The following HEATR1 variants were observed in gnomAD, a reference collection of about 807,000 sequenced individuals.
HEATR1 encodes the protein HEAT repeat-containing protein 1.
In HEATR1, 77 loss-of-function variants were observed where a neutral mutation model predicts 248.2. The observed-to-expected ratio is 0.31, with a 90% CI of 0.26 to 0.37. HEATR1 has a LOEUF of 0.37. Among genes scored for constraint, HEATR1 ranks in the 10% least tolerant of loss-of-function variants. The pLI, the probability that HEATR1 is intolerant of heterozygous loss-of-function variation, is 1.00. For synonymous variants in HEATR1, 897 were observed against 923.1 expected, an observed-to-expected ratio of 0.97 and a Z score of 0.51; for missense variants, 2,420 against 2,504.9, an observed-to-expected ratio of 0.97 and a Z score of 0.72.
At chr1:236,586,826 A>T (rs1358416540) in intron 14 of HEATR1, among the ~76,000 whole-genome samples, 2 of 151,932 alleles carry the variant, frequency 1.3e-5, no homozygotes, top group Non-Finnish European at 2.9e-5. Flanking sequence ...CTCTACCGGA[A>T]ATCAGGTTCA....
At chr1:236,597,013 T>C (rs764529278) in intron 5 of HEATR1, 37 bp from the exon 6 acceptor site, 80 of 1,593,352 alleles carry the variant, frequency 5.0e-5, no homozygotes, top group African/African-American at 1.4e-5. Context: ...CATTTAACAG[T>C]GAAAGGGAGG....
At chr1:236,577,217 T>C (rs1453493373) in intron 20 of HEATR1, among the ~76,000 whole-genome samples, 1 of 152,208 alleles carries the variant, frequency 6.6e-6, no homozygotes, top group Admixed American at 6.5e-5. Context: ...AATGGTGCAA[T>C]CTCGGCTCAC....
At chr1:236,588,572 A>G (rs1663952866) in intron 12 of HEATR1, among the ~76,000 whole-genome samples, 1 of 152,266 alleles carries the variant, frequency 6.6e-6, no homozygotes, top group Admixed American at 6.5e-5. Context: ...GTTAAAAGCT[A>G]GCTAGTATTA....
intron 9 of HEATR1, among the ~76,000 whole-genome samples, chr1:236,593,659 T>C (rs184798821): frequency 2.0e-5 from 3 of 151,940 alleles, no homozygotes; most frequent in Non-Finnish European, 4.4e-5. Flanking sequence ...ACCTTCAATA[T>C]TGTTTCTAAA....
At chr1:236,600,107 G>T (rs904404822) in intron 3 of HEATR1, among the ~76,000 whole-genome samples, 43 of 138,038 alleles carry the variant, frequency 3.1e-4, no homozygotes, top group Admixed American at 8.8e-4. Context: ...TGCCCAGGCT[G>T]GTCTGTCAAC....
At chr1:236,594,228 C>T in intron 8 of HEATR1, 114 bp from the exon 9 acceptor site, 1 of 612,282 alleles carries the variant, frequency 1.6e-6, no homozygotes, top group Non-Finnish European at 2.8e-6. Flanking sequence ...ACACTGATAT[C>T]CAGCTTTTTA....
rs562208658 is a variant in HEATR1, at chr1:236,582,114, A to T, written c.2562+622T>A. ...CACAGTATCTTTTTATTTATTTATT[A>T]TTTTTTTTGAGATGGAGTCTCGCTC... On this transcript the variant is annotated intron_variant, in intron 19 of 44. Transcript: ENST00000366582. 2.0e-3 allele frequency among the ~76,000 whole-genome samples: 302 copies of T among 151,450 alleles called. 3 individuals carry two copies. The highest frequency in any genetic ancestry group is 7.0e-3 in the African/African-American group (287 of 41,150).
Position 236,561,141 on chromosome 1 carries a change from G to T in HEATR1, c.4646+84C>A, listed in dbSNP as rs554044701. ...GTGAACCTGGTTGTAAAGAGTATAT[G>T]AATTTTCTGTACTGTTTTTCCAGGT... On this transcript the variant is annotated intron_variant, in intron 33 of 44. Transcript: ENST00000366582. 2.1e-5 allele frequency: 21 copies of T among 992,934 alleles called. No homozygotes were observed. In the East Asian group the frequency reaches 5.0e-4, roughly 24 times the overall value. The allele number at this position is 992,934 out of a possible 1,614,324, so 61.5% of individuals were successfully genotyped here.
At chr1:236,593,436 C>A (rs1664093316) in intron 9 of HEATR1, among the ~76,000 whole-genome samples, 1 of 152,078 alleles carries the variant, frequency 6.6e-6, no homozygotes, top group Non-Finnish European at 1.5e-5. Context: ...AACACACAGG[C>A]ACTCTCTTGA....
In HEATR1 at chr1:236,555,614, A is replaced by G. The variant is rs1448743342; in HGVS notation, c.5691T>C (p.Ile1897=). ...EEVGKTENCI[I]DCLVAMVVKL... is the part of the protein sequence containing the mutation. The stretch of plus-strand genomic sequence containing the variant: ...TGACAACCATGGCTACTAGACAGTC[A>G]ATGATACAATTTTCCGTTTTTCCAA... Residue 1897 remains isoleucine, a synonymous_variant, in exon 40 of 45, where the codon ATT becomes ATC. Coordinates refer to ENST00000366582, the MANE Select transcript of HEATR1 (RefSeq NM_018072.6). 8 of 1,614,248 alleles carry G rather than the reference A, an allele frequency of 5.0e-6. No homozygotes were observed. Among genetic ancestry groups the G allele is most frequent in the Non-Finnish European group, 6.8e-6 (8 of 1,180,050 alleles).
At position 236,554,621 on chromosome 1, in the gene HEATR1, A is replaced by G. The variant is rs1474642659; in HGVS notation, c.6055T>C (p.Leu2019=). Residue 2019 remains leucine, a synonymous_variant, in exon 42 of 45, where the codon TTG becomes CTG. Coordinates refer to ENST00000366582, the MANE Select transcript of HEATR1 (RefSeq NM_018072.6). ...ACCTGATCCACCAGAGGCATCATCAAGGCTTCTGCTCTCTCTTTACTTATA... is the reference window on the plus strand; with the variant it reads ...ACCTGATCCACCAGAGGCATCATCAGGGCTTCTGCTCTCTCTTTACTTATA... ...HFISKERAEA[L]MMPLVDQLEN... is the part of the protein sequence containing the mutation. The G allele has an allele frequency of 6.2e-7, 1 of 1,611,434 alleles. No homozygotes were observed. The highest frequency in any genetic ancestry group is 8.5e-7 in the Non-Finnish European group (1 of 1,179,404).
rs747151576 is a variant in HEATR1 at position 236,550,872 on chromosome 1, TGAGTA to T, written c.*25_*29del. The stretch of plus-strand genomic sequence containing the variant: ...AAATATGAAATATGAGTGTGAACTC[TGAGTA>T]GAGTATGAAACACCACAGAAAGTCT... On this transcript the variant is annotated 3_prime_UTR_variant, in exon 45 of 45. Transcript: ENST00000366582. The T allele has an allele frequency of 6.3e-5, 96 of 1,521,610 alleles. No homozygotes were observed. The highest frequency in any genetic ancestry group is 5.2e-4 in the Middle Eastern group (3 of 5,746). The allele number at this position is 1,521,610 out of a possible 1,614,324, so 94.3% of individuals were successfully genotyped here.
intron 11 of HEATR1, among the ~76,000 whole-genome samples, 170 bp from the exon 12 acceptor site, chr1:236,591,124 ATG>A (rs1235702317): frequency 1.3e-5 from 1 of 75,432 alleles, no homozygotes; most frequent in Non-Finnish European, 3.5e-5. Context: ...AGAACATCAC[ATG>A]AGTTGATGAA....
chr1:236,593,795 T>C (rs1268238060), intron 9 of HEATR1, among the ~76,000 whole-genome samples: 1 of 152,160 alleles, frequency 6.6e-6, no homozygotes, highest in African/African-American at 2.4e-5. Context: ...ACCACTAACT[T>C]TCCATTTTCA....
chr1:236,563,175 A>G (rs1185758063), intron 32 of HEATR1, among the ~76,000 whole-genome samples: 1 of 152,252 alleles, frequency 6.6e-6, no homozygotes. Flanking sequence ...TTAATATTTC[A>G]TCATTAGGTA....
At chr1:236,553,824 A>G in intron 42 of HEATR1, 85 bp from the exon 43 acceptor site, 3 of 1,398,974 alleles carry the variant, frequency 2.1e-6, no homozygotes, top group Non-Finnish European at 2.9e-6. Context: ...CAAATATTTT[A>G]CTATCTTTCA....
At chr1:236,562,474 G>T (rs929412264) in intron 32 of HEATR1, among the ~76,000 whole-genome samples, 2 of 152,162 alleles carry the variant, frequency 1.3e-5, no homozygotes, top group East Asian at 3.9e-4. Flanking sequence ...AATCATGCCA[G>T]GGCCAGCACT....
chr1:236,582,667 T>C, intron 19 of HEATR1, 69 bp downstream of exon 19: 1 of 1,545,416 alleles, frequency 6.5e-7, no homozygotes, highest in Non-Finnish European at 8.9e-7. Context: ...CCTCCCAAAG[T>C]GCTGGGATTG....
At chr1:236,580,294 G>T (rs1035977526) in intron 20 of HEATR1, among the ~76,000 whole-genome samples, 1 of 152,150 alleles carries the variant, frequency 6.6e-6, no homozygotes, top group African/African-American at 2.4e-5. Flanking sequence ...ATGCAGGAGG[G>T]TTTTGTTTTT....
Sources: allele counts gnomAD v4.1 joint callset (sites outside exome capture counted in the v4.1 genomes callset), GRCh38; gene constraint gnomAD v4.1.1; transcripts MANE v1.5; gene names NCBI Gene and HGNC (gene_info 2026-07-23, HGNC 2026-07-21).